The following MAN1A1 variants were observed in gnomAD, a reference collection of about 807,000 sequenced individuals.
MAN1A1 encodes mannosidase alpha class 1A member 1.
MAN1A1 carries 29 observed loss-of-function variants against 70.8 expected under a neutral mutation model. The ratio of observed to expected loss-of-function variants is 0.41; its 90% confidence interval spans 0.31 to 0.56. MAN1A1 has a LOEUF of 0.56. Ranked by LOEUF, MAN1A1 falls within the 20% of genes least tolerant of loss-of-function variation. The pLI, the probability that MAN1A1 is intolerant of heterozygous loss-of-function variation, is 0.29. For synonymous variants in MAN1A1, 349 were observed against 330.1 expected, an observed-to-expected ratio of 1.06 and a Z score of -0.62; for missense variants, 747 against 841.3, an observed-to-expected ratio of 0.89 and a Z score of 1.39.
intron 2 of MAN1A1, among the ~76,000 whole-genome samples, chr6:119,342,944 A>G (rs1408948428): frequency 1.3e-5 from 2 of 152,034 alleles, no homozygotes; most frequent in Non-Finnish European, 2.9e-5. Flanking sequence ...ACTTTTCCTC[A>G]TAAAGAATGT....
intron 6 of MAN1A1, among the ~76,000 whole-genome samples, chr6:119,240,024 T>C (rs1343580567): frequency 2.0e-5 from 3 of 152,320 alleles, no homozygotes; most frequent in South Asian, 2.1e-4. Flanking sequence ...ACTATAATTG[T>C]CCTTACATGA....
intron 6 of MAN1A1, among the ~76,000 whole-genome samples, chr6:119,229,147 A>T: frequency 6.6e-6 from 1 of 152,190 alleles, no homozygotes; most frequent in South Asian, 2.1e-4. Context: ...TGATATTAAG[A>T]TGACTATTTT....
At chr6:119,339,856 C>G (rs1016075742) in intron 2 of MAN1A1, among the ~76,000 whole-genome samples, 7 of 152,064 alleles carry the variant, frequency 4.6e-5, no homozygotes, top group African/African-American at 1.7e-4. Flanking sequence ...TTTGGGAGGC[C>G]AAGGTGGGTG....
At chr6:119,273,242 G>A (rs1775972745) in intron 5 of MAN1A1, among the ~76,000 whole-genome samples, 1 of 152,094 alleles carries the variant, frequency 6.6e-6, no homozygotes, top group East Asian at 1.9e-4. Context: ...TGGAAATTCA[G>A]ATGAGTACAG....
chr6:119,248,478 AC>A, intron 5 of MAN1A1, 124 bp from the exon 6 acceptor site: 1 of 624,788 alleles, frequency 1.6e-6, no homozygotes, highest in African/African-American at 1.8e-5. Context: ...TTAATATCTG[AC>A]AAAAAGTTTA....
chr6:119,342,034 C>A (rs918907311), intron 2 of MAN1A1, among the ~76,000 whole-genome samples: 1 of 151,978 alleles, frequency 6.6e-6, no homozygotes, highest in Non-Finnish European at 1.5e-5. Context: ...ATGGTATCTG[C>A]GGGAATAGGC....
At chr6:119,253,897 A>G (rs981523395) in intron 5 of MAN1A1, among the ~76,000 whole-genome samples, 1 of 152,218 alleles carries the variant, frequency 6.6e-6, no homozygotes, top group African/African-American at 2.4e-5. Context: ...TGGCACAATT[A>G]CAAAATATTT....
intron 5 of MAN1A1, among the ~76,000 whole-genome samples, chr6:119,255,190 T>C (rs1311936715): frequency 1.3e-5 from 2 of 152,174 alleles, no homozygotes; most frequent in Non-Finnish European, 2.9e-5. Flanking sequence ...ACAGATGGCT[T>C]TGGAAGGAAA....
intron 2 of MAN1A1, among the ~76,000 whole-genome samples, chr6:119,338,654 G>C (rs1307762181): frequency 6.6e-6 from 1 of 152,184 alleles, no homozygotes; most frequent in Non-Finnish European, 1.5e-5. Context: ...TCCAAAAGGA[G>C]AAAGATCCTT....
chr6:119,301,932 T>A (rs2114440968), intron 4 of MAN1A1, 56 bp downstream of exon 4: 1 of 950,256 alleles, frequency 1.1e-6, no homozygotes, highest in Non-Finnish European at 1.7e-6. Flanking sequence ...CACTACAGAA[T>A]TTATCCATGT....
chr6:119,233,597 T>C (rs1159176198), intron 6 of MAN1A1, among the ~76,000 whole-genome samples: 1 of 152,194 alleles, frequency 6.6e-6, no homozygotes, highest in African/African-American at 2.4e-5. Context: ...GCAGGACTCT[T>C]AATTAGAGTG....
At chr6:119,270,859 G>T (rs1290484119) in intron 5 of MAN1A1, among the ~76,000 whole-genome samples, 1 of 152,134 alleles carries the variant, frequency 6.6e-6, no homozygotes, top group South Asian at 2.1e-4. Flanking sequence ...GGTAAGAAAT[G>T]AGTTAAAACT....
chr6:119,181,007 T>C (rs931211152), intron 11 of MAN1A1, among the ~76,000 whole-genome samples: 1 of 152,200 alleles, frequency 6.6e-6, no homozygotes, highest in Non-Finnish European at 1.5e-5. Flanking sequence ...TTTTTACCAA[T>C]TCCCCCTATG....
chr6:119,219,381 T>C (rs2114255227), intron 6 of MAN1A1, among the ~76,000 whole-genome samples: 1 of 152,310 alleles, frequency 6.6e-6, no homozygotes, highest in Non-Finnish European at 1.5e-5. Flanking sequence ...TCAGGTGTTA[T>C]CTTGGGCATG....
rs1774467246 is a variant in MAN1A1 at position 119,225,032 on chromosome 6, C to A, written c.993-20150G>T. On this transcript the variant is annotated intron_variant, in intron 6 of 12. Coordinates refer to ENST00000368468, the MANE Select transcript of MAN1A1 (RefSeq NM_005907.4). ...ATCCTAGCTACTCAGGAGGCTGAGG[C>A]AGGAGAACTGCTTGAACCCGGGAGG... Among the ~76,000 whole-genome samples the A allele has an allele frequency of 2.6e-5, 4 of 151,966 alleles. No homozygotes were observed. The South Asian group carries it at 8.3e-4, about 32-fold the overall frequency.
At chr6:119,347,725 A>C (rs1156746448) in intron 2 of MAN1A1, among the ~76,000 whole-genome samples, 3 of 152,164 alleles carry the variant, frequency 2.0e-5, no homozygotes, top group Non-Finnish European at 4.4e-5. Flanking sequence ...ACCTAATCAC[A>C]TGTTTCAAGT....
intron 5 of MAN1A1, among the ~76,000 whole-genome samples, chr6:119,282,901 T>A (rs1478292013): frequency 6.6e-6 from 1 of 152,218 alleles, no homozygotes; most frequent in Non-Finnish European, 1.5e-5. Flanking sequence ...CCTTGTAGAA[T>A]CACTTTCACA....
intron 5 of MAN1A1, among the ~76,000 whole-genome samples, chr6:119,266,839 CT>C (rs1775771628): frequency 6.6e-6 from 1 of 151,974 alleles, no homozygotes; most frequent in African/African-American, 2.4e-5. Context: ...AAACATGTAT[CT>C]AATAAAGAAC....
At chr6:119,181,748 T>C (rs1773159409) in intron 11 of MAN1A1, among the ~76,000 whole-genome samples, 1 of 152,216 alleles carries the variant, frequency 6.6e-6, no homozygotes, top group South Asian at 2.1e-4. Context: ...GCTTTACCGA[T>C]GTATGACAAA....
Sources: allele counts gnomAD v4.1 joint callset (sites outside exome capture counted in the v4.1 genomes callset), GRCh38; gene constraint gnomAD v4.1.1; transcripts MANE v1.5; gene names NCBI Gene and HGNC (gene_info 2026-07-23, HGNC 2026-07-21).